The following PRKCH variants were observed in gnomAD, a reference collection of about 807,000 sequenced individuals.
PRKCH encodes protein kinase C eta.
Under a neutral mutation model 82.5 loss-of-function variants are expected in PRKCH, and 28 were observed. That is an observed-to-expected ratio of 0.34 (90% CI 0.25 to 0.47). PRKCH has a LOEUF of 0.47. PRKCH is among the 20% of genes least tolerant of loss of function. PRKCH has a pLI of 1.00. For missense variants in PRKCH, 705 were observed against 881.8 expected (o/e 0.80, Z 2.54); for synonymous variants, 322 against 327.4 (o/e 0.98, Z 0.18).
At chr14:61,417,379 TTCTAGGGCTG>T (rs1428746278) in intron 2 of PRKCH, among the ~76,000 whole-genome samples, 1 of 152,152 alleles carries the variant, frequency 6.6e-6, no homozygotes, top group Non-Finnish European at 1.5e-5. Flanking sequence ...AGCACCTGAT[TTCTAGGGCTG>T]TCAGTGCAGC....
intron 10 of PRKCH, among the ~76,000 whole-genome samples, chr14:61,498,293 A>G (rs1467854672): frequency 6.6e-6 from 1 of 152,170 alleles, no homozygotes; most frequent in Non-Finnish European, 1.5e-5. Context: ...GATTACAGGC[A>G]TGAGCCACCG....
At chr14:61,469,824 G>A (rs376757287) in intron 9 of PRKCH, among the ~76,000 whole-genome samples, 1 of 151,752 alleles carries the variant, frequency 6.6e-6, no homozygotes, top group African/African-American at 2.4e-5. Context: ...GGCAGGTTAG[G>A]GGGGAAGGTG....
At chr14:61,454,354 T>C (rs1191157671) in intron 7 of PRKCH, among the ~76,000 whole-genome samples, 1 of 152,176 alleles carries the variant, frequency 6.6e-6, no homozygotes, top group Non-Finnish European at 1.5e-5. Context: ...CTGCCCACCT[T>C]GGCTTCCCAA....
intron 2 of PRKCH, among the ~76,000 whole-genome samples, chr14:61,422,195 C>T (rs570744718): frequency 6.6e-6 from 1 of 152,258 alleles, no homozygotes; most frequent in East Asian, 1.9e-4. Flanking sequence ...GTGATCTTCC[C>T]ACCTCAGCCT....
At chr14:61,490,513 C>T (rs17098535) in intron 10 of PRKCH, among the ~76,000 whole-genome samples, 3,256 of 152,256 alleles carry the variant, frequency 0.021, 91 homozygotes, top group African/African-American at 0.064. Context: ...AGGTGCCTCG[C>T]TGACTCCAGA....
At chr14:61,275,693 T>A (rs959213277) in intron 1 of PRKCH, among the ~76,000 whole-genome samples, 2 of 152,106 alleles carry the variant, frequency 1.3e-5, no homozygotes, top group African/African-American at 4.8e-5. Flanking sequence ...TGGGTTTCCT[T>A]TGCTGCCAAT....
At chr14:61,220,768 A>G (rs563963083) in intron 1 of PRKCH, among the ~76,000 whole-genome samples, 3 of 152,236 alleles carry the variant, frequency 2.0e-5, no homozygotes, top group African/African-American at 7.2e-5. Flanking sequence ...TTAGCTAAAA[A>G]TTAACATGAT....
At chr14:61,433,162 G>A (rs1327305653) in intron 2 of PRKCH, among the ~76,000 whole-genome samples, 1 of 152,002 alleles carries the variant, frequency 6.6e-6, no homozygotes, top group African/African-American at 2.4e-5. Context: ...TGTTTACAGT[G>A]AGCAACAGTA....
At chr14:61,206,198 G>C (rs2044522415) in intron 1 of PRKCH, among the ~76,000 whole-genome samples, 1 of 152,194 alleles carries the variant, frequency 6.6e-6, no homozygotes, top group Admixed American at 6.5e-5. Context: ...TGGGGGCTTA[G>C]CTTAAAGCAA....
intron 3 of PRKCH, among the ~76,000 whole-genome samples, chr14:61,443,742 G>A (rs374785248): frequency 1.2e-3 from 190 of 152,290 alleles, no homozygotes; most frequent in Middle Eastern, 3.4e-3. Context: ...ATCATATACT[G>A]TAATCTAATC....
At chr14:61,537,293 G>C (rs988424508) in intron 12 of PRKCH, among the ~76,000 whole-genome samples, 2 of 152,182 alleles carry the variant, frequency 1.3e-5, no homozygotes, top group African/African-American at 4.8e-5. Context: ...AAAGGCATAT[G>C]ACGATGACAC....
chr14:61,451,712 G>T (rs565267220), intron 6 of PRKCH, among the ~76,000 whole-genome samples: 20 of 152,248 alleles, frequency 1.3e-4, no homozygotes, highest in African/African-American at 4.1e-4. Context: ...TCTGACTGCC[G>T]TGGGGTGCAC....
rs118116829 is a variant in PRKCH at position 61,371,003 on chromosome 14, C to T, written c.364-20222C>T. On this transcript the variant is annotated intron_variant, in intron 1 of 13. Transcript: ENST00000332981. The stretch of plus-strand genomic sequence containing the variant: ...ACACAGTCTAGAAAGGCCAGATATT[C>T]TTTTGCACTGCTGCCTCTGGCTCTC... Among the ~76,000 whole-genome samples, 831 of 152,188 alleles carry T rather than the reference C, an allele frequency of 5.5e-3. 9 individuals carry two copies. Among genetic ancestry groups the T allele is most frequent in the Middle Eastern group, 0.024 (7 of 294 alleles).
intron 3 of PRKCH, 132 bp downstream of exon 3, chr14:61,443,393 A>G: frequency 1.1e-6 from 1 of 930,802 alleles, no homozygotes; most frequent in Non-Finnish European, 1.5e-6. Context: ...CTCTTACTCT[A>G]GTATGTTGAC....
At chr14:61,329,607 C>G (rs1204895245) in intron 1 of PRKCH, among the ~76,000 whole-genome samples, 1 of 152,146 alleles carries the variant, frequency 6.6e-6, no homozygotes, top group Non-Finnish European at 1.5e-5. Context: ...TGAGCCTTTT[C>G]TCTTACATTT....
chr14:61,488,798 C>T (rs1886335183), intron 10 of PRKCH, among the ~76,000 whole-genome samples: 1 of 152,138 alleles, frequency 6.6e-6, no homozygotes, highest in Non-Finnish European at 1.5e-5. Context: ...GACACTGTAA[C>T]TTGATGTGGT....
At chr14:61,249,926 G>A (rs2044927359) in intron 1 of PRKCH, among the ~76,000 whole-genome samples, 2 of 151,162 alleles carry the variant, frequency 1.3e-5, no homozygotes, top group Admixed American at 6.6e-5. Context: ...GCCCACCAAT[G>A]GCAATTTACC....
Position 61,280,305 on chromosome 14 carries a change from G to T in PRKCH, c.-19+92637G>T. 2 of 1,613,790 alleles carry T rather than the reference G, an allele frequency of 1.2e-6. No individual in the cohort carries two copies. Among genetic ancestry groups the T allele is most frequent in the Non-Finnish European group, 1.7e-6 (2 of 1,179,950 alleles). On this transcript the variant is annotated intron_variant, in intron 1 of 3. Transcript: ENST00000555185. The surrounding 1 kb of genome is among the most constrained non-coding windows in gnomAD (Gnocchi z 5.0). ...TGTAGGTGATGTTGACGCGGTAGGC[G>T]CCCCGCGGCAGCCCGGCCGAGTAGT...
At chr14:61,512,123 T>G (rs1440992080) in intron 10 of PRKCH, among the ~76,000 whole-genome samples, 1 of 152,176 alleles carries the variant, frequency 6.6e-6, no homozygotes, top group Non-Finnish European at 1.5e-5. Context: ...TGTGGTGCTT[T>G]CTTGTGTTCT....
Sources: gnomAD v4.1 joint callset for allele counts (sites outside exome capture counted in the v4.1 genomes callset) on GRCh38, gnomAD v4.1.1 for gene constraint, Gnocchi (gnomAD v3.1) non-coding constraint, MANE v1.5 for transcripts, NCBI Gene and HGNC (gene_info 2026-07-23, HGNC 2026-07-21) for gene names.